ZBED6: variants seen among roughly 807,000 people sequenced by gnomAD.
ZBED6 encodes zinc finger BED domain-containing protein 6.
In ZBED6, 40 loss-of-function variants were observed where a neutral mutation model predicts 58.4. The ratio of observed to expected loss-of-function variants is 0.68; its 90% confidence interval spans 0.53 to 0.89. The LOEUF is 0.89. Ranked by LOEUF, ZBED6 falls within the 40% of genes least tolerant of loss-of-function variation. The pLI is 0.00. For synonymous variants in ZBED6, 439 were observed against 350.6 expected (o/e 1.25, Z -2.82); for missense variants, 1,057 against 1,003.9 (o/e 1.05, Z -0.71).
At chr1:203,822,650 T>C (rs904004732) in intron 3 of ZBED6, among the ~76,000 whole-genome samples, 1 of 152,184 alleles carries the variant, frequency 6.6e-6, no homozygotes, top group Non-Finnish European at 1.5e-5. Context: ...TCCTACATTG[T>C]GATCTCTTCT....
At chr1:203,829,996 C>T in intron 6 of ZBED6, 100 bp downstream of exon 6, 1 of 1,332,204 alleles carries the variant, frequency 7.5e-7, no homozygotes, top group Non-Finnish European at 1.1e-6. Context: ...TCCCATGCTA[C>T]ACGCATACTT....
At chr1:203,828,990 C>T (rs927076827) in intron 4 of ZBED6, among the ~76,000 whole-genome samples, 1 of 152,158 alleles carries the variant, frequency 6.6e-6, no homozygotes, top group Non-Finnish European at 1.5e-5. Flanking sequence ...TGGAATTGGC[C>T]ATTTAAAAGC....
In ZBED6 at chr1:203,797,377, GCT is replaced by G; in HGVS notation, c.-145_-144del. 1 of 723,356 alleles carries G rather than the reference GCT, an allele frequency of 1.4e-6. No homozygotes were observed. Among genetic ancestry groups the G allele is most frequent in the South Asian group, 2.4e-5 (1 of 41,118 alleles). 44.8% of individuals were successfully genotyped at this position (723,356 alleles called of 1,614,324 possible). A position where few individuals can be genotyped will look rare whatever the true frequency, so the allele number is the denominator to read the frequency against. On this transcript the variant is annotated 5_prime_UTR_variant, in exon 1 of 17. It introduces an in-frame stop codon into an upstream open reading frame of the 5' UTR. Coordinates refer to ENST00000550078, the Ensembl canonical transcript of ZBED6. ...TCAGTTTTCCTCCAAAAATAACCTG[GCT>G]TGGAAGTTATTGGTCCAGTGGGAAT...
At chr1:203,817,154 T>C (rs765710360) in intron 2 of ZBED6, 30 bp downstream of exon 2, 1 of 1,557,100 alleles carries the variant, frequency 6.4e-7, no homozygotes, top group South Asian at 1.2e-5. Flanking sequence ...AATCAGTTCT[T>C]TCTACAATTT....
chr1:203,853,753 C>G (rs1689693864), exon 17 of ZBED6: 1 of 152,564 alleles, frequency 6.6e-6, no homozygotes, highest in African/African-American at 2.4e-5. Flanking sequence ...ACAGGACTGC[C>G]CATTCAGTCT....
chr1:203,816,789 G>A (rs1676530604), intron 1 of ZBED6, 137 bp from the exon 2 acceptor site: 2 of 316,182 alleles, frequency 6.3e-6, no homozygotes, highest in Non-Finnish European at 1.2e-5. Flanking sequence ...TTCGCAATCA[G>A]TGTGTTTACA....
exon 1 of ZBED6, chr1:203,800,522 G>A: frequency 7.2e-7 from 1 of 1,394,896 alleles, no homozygotes; most frequent in Non-Finnish European, 9.4e-7. Flanking sequence ...CTTAATAGCT[G>A]TAGTTGTTAA....
chr1:203,850,584 G>A (rs369837051), exon 15 of ZBED6: 17 of 1,613,942 alleles, frequency 1.1e-5, no homozygotes, highest in African/African-American at 2.7e-5. Context: ...GCCCCAAAAC[G>A]TAAGGCAGTG....
chr1:203,819,232 T>A (rs1455736141), intron 3 of ZBED6, among the ~76,000 whole-genome samples: 54 of 150,734 alleles, frequency 3.6e-4, no homozygotes, highest in East Asian at 5.8e-4. Context: ...TTTTATTTTT[T>A]TTTTTTTGAA....
At chr1:203,821,255 A>G (rs1411204232) in intron 3 of ZBED6, among the ~76,000 whole-genome samples, 8 of 152,122 alleles carry the variant, frequency 5.3e-5, no homozygotes, top group Non-Finnish European at 1.2e-4. Context: ...ACCTCCTGCC[A>G]TAATTATAAG....
exon 1 of ZBED6, chr1:203,797,758 T>G: frequency 6.5e-7 from 1 of 1,535,632 alleles, no homozygotes; most frequent in South Asian, 1.2e-5. Context: ...CGAAAAAAAT[T>G]GATTCTTGCC....
intron 11 of ZBED6, among the ~76,000 whole-genome samples, chr1:203,841,929 G>A (rs1322301317): frequency 2.7e-5 from 4 of 148,418 alleles, no homozygotes; most frequent in Admixed American, 1.3e-4. Flanking sequence ...ATGGGGTGGC[G>A]GTCGGGCAGA....
At chr1:203,833,945 TA>T in intron 9 of ZBED6, 92 bp downstream of exon 9, 1 of 1,477,276 alleles carries the variant, frequency 6.8e-7, no homozygotes, top group South Asian at 1.4e-5. Flanking sequence ...AGATCTTTGT[TA>T]TTGGTGCCCC....
At chr1:203,831,762 A>G in exon 8 of ZBED6, 1 of 1,611,448 alleles carries the variant, frequency 6.2e-7, no homozygotes, top group Non-Finnish European at 8.5e-7. Flanking sequence ...AACTCTCTCC[A>G]CCAAACAAGG....
chr1:203,848,151 C>T (rs1314848068), intron 12 of ZBED6, among the ~76,000 whole-genome samples, 180 bp from the exon 13 acceptor site: 2 of 152,174 alleles, frequency 1.3e-5, no homozygotes, highest in Non-Finnish European at 2.9e-5. Flanking sequence ...AGCCACCATG[C>T]CCGGCCAACC....
chr1:203,797,836 A>C (rs3737972), exon 1 of ZBED6: 5 of 1,535,880 alleles, frequency 3.3e-6, no homozygotes, highest in African/African-American at 1.4e-5. Flanking sequence ...TTAGCTTCCA[A>C]TGACCCTGAG....
At chr1:203,852,802 A>C (rs1689568551) in exon 17 of ZBED6, 2 of 189,416 alleles carry the variant, frequency 1.1e-5, no homozygotes, top group Admixed American at 1.1e-4. Flanking sequence ...CTGAGTTTGA[A>C]ATGGATGAAG....
chr1:203,828,573 G>A, intron 4 of ZBED6, 151 bp downstream of exon 4: 1 of 1,045,716 alleles, frequency 9.6e-7, no homozygotes, highest in Non-Finnish European at 1.4e-6. Context: ...ATCTTATTAA[G>A]GTTAAATGAT....
intron 10 of ZBED6, among the ~76,000 whole-genome samples, chr1:203,839,332 G>A (rs1393156387): frequency 6.6e-6 from 1 of 152,162 alleles, no homozygotes; most frequent in Non-Finnish European, 1.5e-5. Context: ...ATGCACTATT[G>A]CGCCCCTCAG....
Sources: gnomAD v4.1 joint callset for allele counts (sites outside exome capture counted in the v4.1 genomes callset) on GRCh38, gnomAD v4.1.1 for gene constraint, MANE v1.5 for transcripts, NCBI Gene and HGNC (gene_info 2026-07-23, HGNC 2026-07-21) for gene names.